Variants in COL24A1 observed in about 807,000 individuals in gnomAD.
COL24A1 encodes collagen alpha-1(XXIV) chain.
In COL24A1, 224 loss-of-function variants were observed where a neutral mutation model predicts 253.9. The observed-to-expected ratio is 0.88, with a 90% confidence interval of 0.79 to 0.99. The LOEUF is 0.99. COL24A1 is among the 50% of genes least tolerant of loss of function. The pLI is 0.00. For missense variants in COL24A1, 2,131 were observed against 2,068.5 expected (o/e 1.03, Z -0.59); for synonymous variants, 685 against 673.7 (o/e 1.02, Z -0.26).
chr1:86,130,950 A>T (rs1649080302), intron 2 of COL24A1, among the ~76,000 whole-genome samples: 1 of 151,984 alleles, frequency 6.6e-6, no homozygotes, highest in Admixed American at 6.6e-5. Flanking sequence ...TTTCCTCAAG[A>T]AGGTTTACGG....
Position 86,126,033 on chromosome 1 carries a change from G to T in COL24A1, c.303C>A (p.Asn101Lys), listed in dbSNP as rs1262166837. The T allele has an allele frequency of 6.2e-7, 1 of 1,613,596 alleles. No individual in the cohort carries two copies. The highest frequency in any genetic ancestry group is 1.3e-5 in the African/African-American group (1 of 74,972). ...TTAATATTGTAAACGGCTGCCCCAA[G>T]TTGACTGGTAAAATTTTCACGAAAG... ...ETPFVKILPVNLGQPFTILTG... is the reference protein window; with the variant it reads ...ETPFVKILPVKLGQPFTILTG... The change falls in exon 3 of 60, where the codon AAC (asparagine) becomes AAA (lysine). Residue 101 changes from asparagine to lysine, a missense_variant. Coordinates refer to ENST00000370571, the MANE Select transcript of COL24A1 (RefSeq NM_152890.7).
At chr1:85,755,850 A>G (rs1666182575) in intron 55 of COL24A1, among the ~76,000 whole-genome samples, 1 of 151,534 alleles carries the variant, frequency 6.6e-6, no homozygotes, top group South Asian at 2.1e-4. Context: ...GATTTCTTGG[A>G]ATGATACCAA....
chr1:85,755,920 ACTTC>A lies in COL24A1; in HGVS notation c.4437+5472_4437+5475del, dbSNP rs1372041737. Among the ~76,000 whole-genome samples the A allele has an allele frequency of 6.1e-5, 9 of 148,534 alleles. No homozygotes were observed. In the East Asian group the frequency reaches 1.6e-3, roughly 26 times the overall value. ...TAGACTATATCAGAAAAAAAAAAAA[ACTTC>A]TGTGCATCAAGGGACACTATAAAGA... On this transcript the variant is annotated intron_variant, in intron 55 of 59. Transcript: ENST00000370571.
At chr1:86,132,468 A>T (rs1447844051) in intron 2 of COL24A1, among the ~76,000 whole-genome samples, 1 of 152,036 alleles carries the variant, frequency 6.6e-6, no homozygotes, top group Non-Finnish European at 1.5e-5. Flanking sequence ...GGTATTGCCT[A>T]GGTTTTCTTC....
At chr1:85,817,835 T>A (rs1673200902) in intron 46 of COL24A1, among the ~76,000 whole-genome samples, 199 bp downstream of exon 46, 1 of 152,156 alleles carries the variant, frequency 6.6e-6, no homozygotes, top group Non-Finnish European at 1.5e-5. Context: ...CTGCAGGGAC[T>A]TATATTTAAA....
intron 2 of COL24A1, among the ~76,000 whole-genome samples, chr1:86,138,868 C>T (rs1192849095): frequency 4.0e-5 from 6 of 151,550 alleles, no homozygotes; most frequent in South Asian, 2.1e-4. Context: ...TATCTCATCC[C>T]GTCAGAGCCC....
chr1:86,072,189 A>C (rs2101846662), intron 7 of COL24A1, among the ~76,000 whole-genome samples: 1 of 152,302 alleles, frequency 6.6e-6, no homozygotes, highest in Middle Eastern at 3.4e-3. Flanking sequence ...AGGAGGCTGA[A>C]GCCAGGGAGC....
At position 85,936,946 on chromosome 1, in the gene COL24A1, G is replaced by GA. The variant is rs1688295497; in HGVS notation, c.2562+24302_2562+24303insT. On this transcript the variant is annotated intron_variant, in intron 24 of 59. Coordinates refer to ENST00000370571, the MANE Select transcript of COL24A1 (RefSeq NM_152890.7). ...CACATCTGAATCTCCTATAAGCTGAGTTCCATCAGATTCATCAAGTCATAA... is the reference window on the plus strand; with the variant it reads ...CACATCTGAATCTCCTATAAGCTGAGATTCCATCAGATTCATCAAGTCATAA... 1.4e-5 allele frequency among the ~76,000 whole-genome samples: 2 copies of GA among 147,280 alleles called. 1 individual carries two copies. Among genetic ancestry groups the GA allele is most frequent in the South Asian group, 4.9e-4 (2 of 4,086 alleles).
chr1:85,761,462 G>C, intron 54 of COL24A1, 40 bp from the exon 55 acceptor site: 2 of 1,613,690 alleles, frequency 1.2e-6, no homozygotes, highest in Non-Finnish European at 1.7e-6. Flanking sequence ...CATTTATTTA[G>C]TAGACATCTT....
At chr1:85,903,032 C>T (rs940207426) in intron 28 of COL24A1, among the ~76,000 whole-genome samples, 1 of 151,310 alleles carries the variant, frequency 6.6e-6, no homozygotes, top group South Asian at 2.1e-4. Flanking sequence ...CCCATAAATA[C>T]GTACAAATAC....
chr1:86,098,659 C>T (rs555220649), intron 5 of COL24A1, among the ~76,000 whole-genome samples: 26 of 152,252 alleles, frequency 1.7e-4, no homozygotes, highest in African/African-American at 6.3e-4. Flanking sequence ...TGGACTGAGA[C>T]TCACACCAAG....
At chr1:86,025,480 A>G (rs1697944449) in intron 14 of COL24A1, among the ~76,000 whole-genome samples, 3 of 152,328 alleles carry the variant, frequency 2.0e-5, no homozygotes, top group Admixed American at 1.3e-4. Flanking sequence ...CTTTTAAATC[A>G]CACCCACCAT....
chr1:85,834,380 C>T (rs1336516583), intron 43 of COL24A1, among the ~76,000 whole-genome samples: 1 of 152,048 alleles, frequency 6.6e-6, no homozygotes, highest in African/African-American at 2.4e-5. Context: ...GTTTAGACAT[C>T]TGAATGGCTG....
rs1360840276 is a variant in COL24A1, at chr1:85,771,921, G to C, written c.4374+3753C>G. Reference sequence around the variant, plus strand: ...CCACTAACTCGTCATCTAGCATTAGGTATATCTCCCAATGCTATCCCTCCC... The same window carrying C: ...CCACTAACTCGTCATCTAGCATTAGCTATATCTCCCAATGCTATCCCTCCC... On this transcript the variant is annotated intron_variant, in intron 53 of 59. Coordinates refer to ENST00000370571, the MANE Select transcript of COL24A1 (RefSeq NM_152890.7). Among the ~76,000 whole-genome samples the C allele has an allele frequency of 1.4e-5, 2 of 147,664 alleles. 1 individual carries two copies. Among genetic ancestry groups the C allele is most frequent in the Non-Finnish European group, 3.0e-5 (2 of 66,916 alleles).
chr1:86,073,806 G>A (rs1287286984), intron 7 of COL24A1, among the ~76,000 whole-genome samples: 2 of 152,100 alleles, frequency 1.3e-5, no homozygotes, highest in Non-Finnish European at 2.9e-5. Flanking sequence ...AGAGAGTGGG[G>A]GCTAATATTC....
intron 5 of COL24A1, among the ~76,000 whole-genome samples, chr1:86,106,708 C>A (rs1002177045): frequency 1.4e-4 from 21 of 151,906 alleles, no homozygotes; most frequent in Non-Finnish European, 2.9e-4. Context: ...CATTTGATAA[C>A]AAGAAAAAAG....
intron 28 of COL24A1, among the ~76,000 whole-genome samples, chr1:85,897,630 G>A (rs576168053): frequency 1.3e-4 from 20 of 152,160 alleles, no homozygotes; most frequent in African/African-American, 2.4e-4. Context: ...CAAAAAAGCC[G>A]TTGCAAAAGT....
At chr1:86,037,873 T>C (rs1699154821) in intron 12 of COL24A1, among the ~76,000 whole-genome samples, 1 of 152,170 alleles carries the variant, frequency 6.6e-6, no homozygotes, top group East Asian at 1.9e-4. Flanking sequence ...TCAATATAAG[T>C]CTACTGTTGT....
chr1:85,772,045 T>C (rs919338972), intron 53 of COL24A1, among the ~76,000 whole-genome samples: 1 of 143,840 alleles, frequency 7.0e-6, no homozygotes, highest in African/African-American at 2.6e-5. Flanking sequence ...TGAGAATATG[T>C]GGTGTTTGGT....
Sources: allele counts gnomAD v4.1 joint callset (sites outside exome capture counted in the v4.1 genomes callset), GRCh38; gene constraint gnomAD v4.1.1; transcripts MANE v1.5; gene names NCBI Gene and HGNC (gene_info 2026-07-23, HGNC 2026-07-21).